SRBD1: variants seen among roughly 807,000 people sequenced by gnomAD.
SRBD1 encodes the protein S1 RNA binding domain 1.
In SRBD1, 88 loss-of-function variants were observed where a neutral mutation model predicts 115.3. The ratio of observed to expected loss-of-function variants is 0.76; its 90% CI spans 0.64 to 0.91. The LOEUF (loss-of-function observed/expected upper bound fraction) is 0.91, where lower values mean the gene tolerates loss of function less well. Ranked by LOEUF, SRBD1 falls within the 40% of genes least tolerant of loss-of-function variation. SRBD1 has a pLI of 0.00. For synonymous variants in SRBD1, 509 were observed against 407.7 expected, an observed-to-expected ratio of 1.25 and a Z score of -2.99; for missense variants, 1,385 against 1,177.4, an observed-to-expected ratio of 1.18 and a Z score of -2.58.
At chr2:45,511,159 A>G (rs1248259308) in intron 14 of SRBD1, among the ~76,000 whole-genome samples, 3 of 152,226 alleles carry the variant, frequency 2.0e-5, no homozygotes, top group Non-Finnish European at 2.9e-5. Flanking sequence ...AATAAAATCT[A>G]CCACCAATCA....
intron 4 of SRBD1, among the ~76,000 whole-genome samples, chr2:45,586,595 G>C (rs1046838235): frequency 6.6e-5 from 10 of 150,792 alleles, no homozygotes; most frequent in Non-Finnish European, 1.2e-4. Flanking sequence ...ACCCAGGCTG[G>C]AGTGCAGTGG....
intron 9 of SRBD1, among the ~76,000 whole-genome samples, chr2:45,571,670 C>T (rs1232484673): frequency 6.6e-6 from 1 of 151,502 alleles, no homozygotes; most frequent in East Asian, 1.9e-4. Context: ...GATCTTTCAA[C>T]CATATAGAAA....
At chr2:45,504,312 A>G (rs113083286) in intron 14 of SRBD1, among the ~76,000 whole-genome samples, 2,706 of 152,218 alleles carry the variant, frequency 0.018, 79 homozygotes, top group African/African-American at 0.062. Flanking sequence ...TCTGACCCAC[A>G]AACTTTCAAC....
chr2:45,437,523 T>C (rs1024629335), intron 16 of SRBD1, among the ~76,000 whole-genome samples: 72 of 152,102 alleles, frequency 4.7e-4, no homozygotes, highest in Non-Finnish European at 9.1e-4. Context: ...ACTTGCAAAA[T>C]AATGAATGTA....
intron 7 of SRBD1, 63 bp from the exon 8 acceptor site, chr2:45,574,786 T>A (rs1241129942): frequency 7.3e-7 from 1 of 1,367,538 alleles, no homozygotes; most frequent in African/African-American, 1.5e-5. Context: ...TTAAATTCTA[T>A]AACTAAATCA....
At chr2:45,424,429 C>T (rs912495130) in intron 16 of SRBD1, among the ~76,000 whole-genome samples, 17 of 152,032 alleles carry the variant, frequency 1.1e-4, no homozygotes, top group Admixed American at 2.6e-4. Flanking sequence ...TTTGAAAAAA[C>T]GGCTCAACCA....
In SRBD1 at chr2:45,418,478, T is replaced by C. The variant is rs201603248; in HGVS notation, c.2220A>G (p.Gly740=). 125 of 1,613,678 alleles carry C rather than the reference T, an allele frequency of 7.7e-5. No individual in the cohort carries two copies. Among genetic ancestry groups the C allele is most frequent in the Non-Finnish European group, 9.7e-5 (114 of 1,179,908 alleles). Residue 740 remains glycine (G), a synonymous_variant, in exon 18 of 21, where the codon GGA becomes GGG. Coordinates refer to ENST00000263736, the MANE Select transcript of SRBD1 (RefSeq NM_018079.5). ...TCAGCTGTTCTCGGTTGATAAAGGG[T>C]CCATTTTTCTCTCGCCATTCAATAA... The part of the protein sequence containing the change: ...KNIIEWREKN[G]PFINREQLKK...
intron 19 of SRBD1, among the ~76,000 whole-genome samples, chr2:45,404,505 T>C (rs1368996356): frequency 6.6e-6 from 1 of 152,176 alleles, no homozygotes. Flanking sequence ...TTGCCATTTG[T>C]AACCAGTTAC....
chr2:45,459,127 C>G (rs1669239070), intron 16 of SRBD1, among the ~76,000 whole-genome samples: 1 of 152,082 alleles, frequency 6.6e-6, no homozygotes, highest in African/African-American at 2.4e-5. Context: ...ACTCCCACCT[C>G]CAAAATACTG....
intron 14 of SRBD1, among the ~76,000 whole-genome samples, chr2:45,506,247 G>C (rs1232347447): frequency 6.6e-6 from 1 of 152,154 alleles, no homozygotes; most frequent in Non-Finnish European, 1.5e-5. Context: ...AAGCAAATTT[G>C]TTCTCATTTA....
chr2:45,573,449 G>A, intron 8 of SRBD1, 107 bp from the exon 9 acceptor site: 1 of 1,356,686 alleles, frequency 7.4e-7, no homozygotes, highest in Non-Finnish European at 9.7e-7. Flanking sequence ...ATTACCAAGT[G>A]AGTTTTTTTA....
At position 45,388,983 on chromosome 2, in the gene SRBD1, T is replaced by C. The variant is rs542411596; in HGVS notation, c.*327A>G. The C allele has an allele frequency of 3.0e-5, 7 of 233,410 alleles. No homozygotes were observed. Among genetic ancestry groups the C allele is most frequent in the African/African-American group, 9.1e-5 (4 of 43,902 alleles). The allele number at this position is 233,410 out of a possible 1,614,324, so 14.5% of individuals were successfully genotyped here. A position where few individuals can be genotyped will look rare whatever the true frequency, so the allele number is the denominator to read the frequency against. ...GTCCAGCAAGGCAGATGTTGGCAAG[T>C]AGAAGTTAAGCAATCTGTTATACAA... On this transcript the variant is annotated 3_prime_UTR_variant, in exon 21 of 21. Transcript: ENST00000263736.
intron 1 of SRBD1, among the ~76,000 whole-genome samples, chr2:45,609,214 A>G (rs1674369758): frequency 6.6e-6 from 1 of 152,246 alleles, no homozygotes. Context: ...TATCACTACA[A>G]TCAAGAAAAT....
chr2:45,435,638 T>C (rs879497081), intron 16 of SRBD1, among the ~76,000 whole-genome samples: 3 of 150,566 alleles, frequency 2.0e-5, no homozygotes, highest in Non-Finnish European at 4.4e-5. Flanking sequence ...TACACAAAGC[T>C]GGGAGACATA....
intron 16 of SRBD1, among the ~76,000 whole-genome samples, chr2:45,461,221 C>T (rs1016055784): frequency 6.6e-6 from 1 of 152,162 alleles, no homozygotes; most frequent in Admixed American, 6.5e-5. Flanking sequence ...AAATATAAAA[C>T]GGATTGTTAT....
intron 19 of SRBD1, among the ~76,000 whole-genome samples, chr2:45,395,322 A>C (rs1456904053): frequency 6.6e-6 from 1 of 152,298 alleles, no homozygotes; most frequent in Admixed American, 6.5e-5. Context: ...AAACTTCCCA[A>C]AGCACTGTAT....
chr2:45,610,563 A>G (rs1257678063), intron 1 of SRBD1, among the ~76,000 whole-genome samples: 6 of 152,180 alleles, frequency 3.9e-5, no homozygotes, highest in African/African-American at 1.2e-4. Context: ...TTCCCATTCC[A>G]CACACAATAT....
rs59460226 is a variant in SRBD1, at chr2:45,490,332, T to C, written c.1875-2001A>G. Among the ~76,000 whole-genome samples, 1,055 of 152,278 alleles carry C rather than the reference T, an allele frequency of 6.9e-3. 13 individuals carry two copies. The highest frequency in any genetic ancestry group is 0.024 in the African/African-American group (1,005 of 41,562). On this transcript the variant is annotated intron_variant, in intron 14 of 20. Transcript: ENST00000263736. ...ACTGCATGTAAAATGTTTGTGTTTATATAAATTTTCCCCCAAGGAAAGCTG... is the reference window on the plus strand; with the variant it reads ...ACTGCATGTAAAATGTTTGTGTTTACATAAATTTTCCCCCAAGGAAAGCTG...
chr2:45,436,160 TCA>T (rs951442017), intron 16 of SRBD1, among the ~76,000 whole-genome samples: 1 of 150,712 alleles, frequency 6.6e-6, no homozygotes, highest in Non-Finnish European at 1.5e-5. Context: ...AAAAAAAAAA[TCA>T]CATAGTCCTA....
Sources: allele counts gnomAD v4.1 joint callset (sites outside exome capture counted in the v4.1 genomes callset), GRCh38; gene constraint gnomAD v4.1.1; transcripts MANE v1.5; gene names NCBI Gene and HGNC (gene_info 2026-07-23, HGNC 2026-07-21).